Variants in DPP10 observed in about 807,000 individuals in gnomAD.
The protein encoded by DPP10 is inactive dipeptidyl peptidase 10.
Under a neutral mutation model 120.9 loss-of-function variants are expected in DPP10, and 33 were observed. The ratio of observed to expected loss-of-function variants is 0.27; its 90% confidence interval spans 0.21 to 0.37. The LOEUF is 0.37. Ranked by LOEUF, DPP10 falls within the 10% of genes least tolerant of loss-of-function variation. The probability of loss-of-function intolerance (pLI) is 1.00; values close to 1 mark genes in which losing one functional copy is unlikely to be tolerated. For missense variants in DPP10, 816 were observed against 942.8 expected (o/e 0.87, Z 1.76); for synonymous variants, 337 against 326.1 (o/e 1.03, Z -0.36).
At chr2:115,576,968 A>G (rs2081707640) in intron 5 of DPP10, among the ~76,000 whole-genome samples, 1 of 152,236 alleles carries the variant, frequency 6.6e-6, no homozygotes, top group African/African-American at 2.4e-5. Context: ...AATCTGGGAC[A>G]AAATGAATGC....
chr2:114,594,162 A>AG, intron 1 of DPP10, among the ~76,000 whole-genome samples: 1 of 152,156 alleles, frequency 6.6e-6, no homozygotes, highest in Admixed American at 6.5e-5. Flanking sequence ...AATATAAAGC[A>AG]GGCAGAAAAA....
chr2:115,632,095 C>G (rs2085920448), intron 5 of DPP10, among the ~76,000 whole-genome samples: 1 of 152,128 alleles, frequency 6.6e-6, no homozygotes, highest in Non-Finnish European at 1.5e-5. Flanking sequence ...CTGGGTTCTT[C>G]TGTATTGGGT....
intron 1 of DPP10, among the ~76,000 whole-genome samples, chr2:114,806,576 A>G (rs565451857): frequency 5.8e-4 from 88 of 152,174 alleles, no homozygotes; most frequent in Non-Finnish European, 1.1e-3. Context: ...GAGTCAAAGA[A>G]CTTGTTCTTA....
intron 1 of DPP10, among the ~76,000 whole-genome samples, chr2:114,495,124 TA>T (rs577413547): frequency 1.3e-4 from 20 of 152,068 alleles, no homozygotes; most frequent in Admixed American, 4.6e-4. Flanking sequence ...ATAGAAATAG[TA>T]AAAAAAATGT....
chr2:114,929,835 C>G (rs1695935943), intron 1 of DPP10, among the ~76,000 whole-genome samples: 2 of 152,238 alleles, frequency 1.3e-5, no homozygotes, highest in Admixed American at 6.5e-5. Context: ...TGATAAATGT[C>G]CATGAAATCT....
In DPP10 at chr2:114,995,635, A is replaced by G. The variant is rs564141618; in HGVS notation, c.61-313604A>G. 2.0e-5 allele frequency among the ~76,000 whole-genome samples: 3 copies of G among 152,286 alleles called. No homozygotes were observed. In the South Asian group the frequency reaches 6.2e-4, roughly 32 times the overall value. On this transcript the variant is annotated intron_variant, in intron 1 of 25. Coordinates refer to ENST00000410059, the MANE Select transcript of DPP10 (RefSeq NM_020868.6). ...TATATATTTTTTCTCAATAGTCTTC[A>G]TGTAATTTTCTGCACTTTTCTAAAA...
chr2:115,553,501 A>G lies in DPP10; in HGVS notation c.441+27529A>G, dbSNP rs565307248. Among the ~76,000 whole-genome samples, 4 of 152,156 alleles carry G rather than the reference A, an allele frequency of 2.6e-5. No homozygotes were observed. The South Asian group carries it at 8.3e-4, about 32-fold the overall frequency. The stretch of plus-strand genomic sequence containing the variant: ...TGAAACTTTTTTATTTGAACCTTGA[A>G]TGAATAAATATAATGATATATTAAA... On this transcript the variant is annotated intron_variant, in intron 5 of 25. Coordinates refer to ENST00000410059, the MANE Select transcript of DPP10 (RefSeq NM_020868.6).
intron 1 of DPP10, among the ~76,000 whole-genome samples, chr2:114,459,156 G>A (rs1009904576): frequency 2.2e-4 from 34 of 152,156 alleles, no homozygotes; most frequent in Non-Finnish European, 4.3e-4. Flanking sequence ...AATGAGTGTT[G>A]AAGATATTGG....
At chr2:114,876,297 G>A (rs535313853) in intron 1 of DPP10, among the ~76,000 whole-genome samples, 1 of 152,202 alleles carries the variant, frequency 6.6e-6, no homozygotes, top group African/African-American at 2.4e-5. Flanking sequence ...CCACAGAGCA[G>A]AGCAGATGGG....
At chr2:115,671,684 C>T (rs1312773577) in intron 5 of DPP10, among the ~76,000 whole-genome samples, 4 of 152,128 alleles carry the variant, frequency 2.6e-5, no homozygotes, top group Non-Finnish European at 5.9e-5. Flanking sequence ...CTAGATCAAT[C>T]TGCAGATCTA....
chr2:114,532,272 TATATATATATATATATATATATATACAC>T (rs59764863), intron 1 of DPP10, among the ~76,000 whole-genome samples: 31,395 of 80,346 alleles, frequency 0.39, 4,351 homozygotes, highest in East Asian at 0.66. Context: ...TATATATATA[TATATATATATATATATATATATATACAC>T]ACACACACAC....
At chr2:114,816,645 G>A (rs1685664616) in intron 1 of DPP10, among the ~76,000 whole-genome samples, 1 of 151,964 alleles carries the variant, frequency 6.6e-6, no homozygotes, top group South Asian at 2.1e-4. Flanking sequence ...TTGATTTATT[G>A]TACACATCCA....
At chr2:115,827,502 T>C (rs1688495793) in intron 21 of DPP10, among the ~76,000 whole-genome samples, 1 of 145,940 alleles carries the variant, frequency 6.9e-6, no homozygotes, top group Admixed American at 6.9e-5. Flanking sequence ...GCCACAGTTG[T>C]CATACATTTT....
chr2:114,914,987 C>T lies in DPP10; in HGVS notation c.61-394252C>T, dbSNP rs1041872712. On this transcript the variant is annotated intron_variant, in intron 1 of 25. Coordinates refer to ENST00000410059, the MANE Select transcript of DPP10 (RefSeq NM_020868.6). Reference sequence around the variant, plus strand: ...TCTACTAAAAATACAAAAAATTAGCCGGGCGTAGTGGTGGGCGCCTGTAGT... The same window carrying T: ...TCTACTAAAAATACAAAAAATTAGCTGGGCGTAGTGGTGGGCGCCTGTAGT... Among the ~76,000 whole-genome samples the T allele has an allele frequency of 2.6e-5, 4 of 152,198 alleles. No individual in the cohort carries two copies. The East Asian group carries it at 5.8e-4, about 22-fold the overall frequency.
chr2:115,257,247 G>A (rs2059042617), intron 1 of DPP10, among the ~76,000 whole-genome samples: 1 of 152,002 alleles, frequency 6.6e-6, no homozygotes, highest in Non-Finnish European at 1.5e-5. Flanking sequence ...GTAATTTTTA[G>A]CAATACCCCA....
At chr2:115,511,700 C>T (rs956811349) in intron 4 of DPP10, among the ~76,000 whole-genome samples, 4 of 135,764 alleles carry the variant, frequency 2.9e-5, no homozygotes, top group African/African-American at 8.8e-5. Context: ...CTTTTTTCTT[C>T]TTTCTTCTTC....
At chr2:114,996,475 T>C (rs1440436158) in intron 1 of DPP10, among the ~76,000 whole-genome samples, 1 of 152,212 alleles carries the variant, frequency 6.6e-6, no homozygotes, top group Non-Finnish European at 1.5e-5. Flanking sequence ...TACTAGAATA[T>C]AAAATTATAT....
chr2:114,919,844 A>T (rs1294214698), intron 1 of DPP10, among the ~76,000 whole-genome samples: 2 of 152,142 alleles, frequency 1.3e-5, no homozygotes, highest in Admixed American at 6.5e-5. Context: ...CCCCAGTCAC[A>T]TTTTCAGTGC....
chr2:115,439,588 G>A (rs1269805714), intron 3 of DPP10, among the ~76,000 whole-genome samples: 1 of 152,142 alleles, frequency 6.6e-6, no homozygotes, highest in Non-Finnish European at 1.5e-5. Flanking sequence ...TGGAATACAT[G>A]CTGTTTTATT....
Sources: allele counts gnomAD v4.1 joint callset (sites outside exome capture counted in the v4.1 genomes callset), GRCh38; gene constraint gnomAD v4.1.1; transcripts MANE v1.5; gene names NCBI Gene and HGNC (gene_info 2026-07-23, HGNC 2026-07-21).